The following NPAS2 variants were observed in gnomAD, a reference collection of about 807,000 sequenced individuals.
NPAS2 encodes the protein neuronal PAS domain protein 2.
Under a neutral mutation model 107.5 loss-of-function variants are expected in NPAS2, and 23 were observed. The ratio of observed to expected loss-of-function variants is 0.21; its 90% CI spans 0.15 to 0.30. NPAS2 has a LOEUF of 0.30. Ranked by LOEUF, NPAS2 falls within the 10% of genes least tolerant of loss-of-function variation. The probability of loss-of-function intolerance (pLI) is 1.00; values close to 1 mark genes in which losing one functional copy is unlikely to be tolerated. For missense variants in NPAS2, 756 were observed against 1,043.3 expected (o/e 0.72, Z 3.79); for synonymous variants, 403 against 417.5 (o/e 0.97, Z 0.42).
Position 100,918,510 on chromosome 2 carries a change from G to A in NPAS2, c.33-6636G>A, listed in dbSNP as rs192542521. Among the ~76,000 whole-genome samples the A allele has an allele frequency of 2.8e-3, 422 of 152,186 alleles. 1 individual carries two copies. Among genetic ancestry groups the A allele is most frequent in the Middle Eastern group, 0.014 (4 of 294 alleles). On this transcript the variant is annotated intron_variant, in intron 2 of 20. Transcript: ENST00000335681. ...CTGACAAATCACATTTCTGACAAAA[G>A]ACTTGTATCCAGAAAATACAAGCAA...
chr2:100,992,935 T>A (rs1423847508), intron 19 of NPAS2, among the ~76,000 whole-genome samples: 2 of 152,044 alleles, frequency 1.3e-5, no homozygotes, highest in Non-Finnish European at 2.9e-5. Context: ...AGTTTCTTTT[T>A]TTTTTTTGCT....
intron 1 of NPAS2, among the ~76,000 whole-genome samples, chr2:100,890,271 G>A (rs1054703448): frequency 2.0e-5 from 3 of 152,208 alleles, no homozygotes; most frequent in African/African-American, 7.2e-5. Flanking sequence ...TGGGCTCAGA[G>A]GTAGTGCGAG....
chr2:100,865,429 C>G (rs1679192566), intron 1 of NPAS2, among the ~76,000 whole-genome samples: 1 of 152,084 alleles, frequency 6.6e-6, no homozygotes, highest in Non-Finnish European at 1.5e-5. Flanking sequence ...GCTATGTGTT[C>G]TTAGACTACT....
chr2:100,921,285 T>C (rs1026798900), intron 2 of NPAS2, among the ~76,000 whole-genome samples: 1 of 152,146 alleles, frequency 6.6e-6, no homozygotes, highest in African/African-American at 2.4e-5. Flanking sequence ...GGAAATGCAA[T>C]AGTACCTGCC....
At chr2:100,831,337 C>T (rs182825000) in intron 1 of NPAS2, among the ~76,000 whole-genome samples, 174 of 152,202 alleles carry the variant, frequency 1.1e-3, no homozygotes, top group Middle Eastern at 3.4e-3. Flanking sequence ...TGTGTGTTTG[C>T]CACGTCAGCA....
chr2:100,946,996 T>C (rs1431005360), intron 5 of NPAS2, among the ~76,000 whole-genome samples: 7 of 152,164 alleles, frequency 4.6e-5, no homozygotes, highest in Admixed American at 3.3e-4. Context: ...AGAATGCCGA[T>C]GTTCAGGACA....
At chr2:100,880,352 C>G (rs915458621) in intron 1 of NPAS2, among the ~76,000 whole-genome samples, 1 of 152,116 alleles carries the variant, frequency 6.6e-6, no homozygotes, top group African/African-American at 2.4e-5. Flanking sequence ...CAGCGTTATT[C>G]ATAATAGCCA....
At chr2:100,822,253 A>C (rs900765239) in intron 1 of NPAS2, among the ~76,000 whole-genome samples, 3 of 152,234 alleles carry the variant, frequency 2.0e-5, no homozygotes, top group African/African-American at 4.8e-5. Flanking sequence ...AAAATAACCA[A>C]GTGAGGCTTT....
intron 1 of NPAS2, among the ~76,000 whole-genome samples, chr2:100,854,521 C>A (rs1427525412): frequency 6.6e-6 from 1 of 152,150 alleles, no homozygotes; most frequent in East Asian, 1.9e-4. Flanking sequence ...CCCAGCAACC[C>A]CAGGGGAAAG....
chr2:100,819,647 G>A (rs1675931884), upstream of NPAS2, among the ~76,000 whole-genome samples: 1 of 152,074 alleles, frequency 6.6e-6, no homozygotes, highest in Admixed American at 6.5e-5. This position sits in a 1 kb window ranked among gnomAD's most constrained non-coding sequence, Gnocchi z 5.8. Flanking sequence ...CGGGACAGCA[G>A]GGTGGCGGCC....
At chr2:100,873,114 C>T (rs979028465) in intron 1 of NPAS2, among the ~76,000 whole-genome samples, 2 of 151,044 alleles carry the variant, frequency 1.3e-5, no homozygotes, top group African/African-American at 4.9e-5. Flanking sequence ...ACCAGCCTGG[C>T]CAATATCGTG....
intron 1 of NPAS2, among the ~76,000 whole-genome samples, chr2:100,835,256 A>G (rs1387735281): frequency 6.6e-6 from 1 of 152,206 alleles, no homozygotes; most frequent in African/African-American, 2.4e-5. Flanking sequence ...CTTGAATTTC[A>G]CTGTTTAGAG....
intron 15 of NPAS2, among the ~76,000 whole-genome samples, chr2:100,980,884 G>T (rs138664067): frequency 7.1e-4 from 108 of 152,232 alleles, no homozygotes; most frequent in African/African-American, 2.3e-3. Context: ...AAACTTCTTG[G>T]CCTTGCTCAG....
chr2:100,988,342 C>A, intron 17 of NPAS2, 66 bp downstream of exon 17: 1 of 1,387,178 alleles, frequency 7.2e-7, no homozygotes, highest in Non-Finnish European at 1.0e-6. Context: ...CAGTTTGGGA[C>A]ATACTTGATT....
chr2:100,965,472 CA>C lies in NPAS2; in HGVS notation c.801-178del, dbSNP rs10711978. Reference sequence around the variant, plus strand: ...CCAAGGGAAAGGAGTATCTATATGCCAAAAAAAAAAGCTGAGCCCTTTGGAA... The same window carrying C: ...CCAAGGGAAAGGAGTATCTATATGCCAAAAAAAAAGCTGAGCCCTTTGGAA... On this transcript the variant is annotated intron_variant, in intron 9 of 20. Transcript: ENST00000335681. The surrounding 1 kb of genome is among the most constrained non-coding windows in gnomAD (Gnocchi z 4.3). Among the ~76,000 whole-genome samples, 112,096 of 150,834 alleles carry C rather than the reference CA, an allele frequency of 0.74. 42,437 individuals are homozygous for C. Among genetic ancestry groups the C allele is most frequent in the African/African-American group, 0.9 (37,156 of 41,254 alleles).
chr2:100,897,085 T>C (rs1332292937), intron 1 of NPAS2, among the ~76,000 whole-genome samples: 3 of 151,988 alleles, frequency 2.0e-5, no homozygotes, highest in African/African-American at 7.3e-5. Flanking sequence ...CTGAGCAAAA[T>C]GGGGAAAAGC....
At position 100,985,557 on chromosome 2, in the gene NPAS2, G is replaced by GTGCT. The variant is rs1677731575; in HGVS notation, c.1630-2521_1630-2520insGCTT. The GTGCT allele has an allele frequency of 2.6e-5, 4 of 152,342 alleles. No individual in the cohort carries two copies. The South Asian group carries it at 8.3e-4, about 32-fold the overall frequency. The allele number at this position is 152,342 out of a possible 1,614,324, so 9.4% of individuals were successfully genotyped here. A position where few individuals can be genotyped will look rare whatever the true frequency, so the allele number is the denominator to read the frequency against. On this transcript the variant is annotated intron_variant, in intron 16 of 20. Transcript: ENST00000335681. ...CTCTGAGTGAAAGCACCATTCATATGTTTATTCATTCATACATGCATTTAT... is the reference window on the plus strand; with the variant it reads ...CTCTGAGTGAAAGCACCATTCATATGTGCTTTTATTCATTCATACATGCATTTAT...
At chr2:100,873,118 T>C (rs1214868221) in intron 1 of NPAS2, among the ~76,000 whole-genome samples, 1 of 151,230 alleles carries the variant, frequency 6.6e-6, no homozygotes, top group African/African-American at 2.4e-5. Flanking sequence ...GCCTGGCCAA[T>C]ATCGTGAAAC....
At chr2:100,990,638 C>T (rs561243545) in intron 18 of NPAS2, 142 bp from the exon 19 acceptor site, 3 of 986,790 alleles carry the variant, frequency 3.0e-6, no homozygotes, top group South Asian at 1.5e-5. Flanking sequence ...CTGCGTCCAT[C>T]ATCCTCAGAG....
Sources: allele counts gnomAD v4.1 joint callset (sites outside exome capture counted in the v4.1 genomes callset), GRCh38; gene constraint gnomAD v4.1.1; non-coding constraint Gnocchi (gnomAD v3.1); transcripts MANE v1.5; gene names NCBI Gene and HGNC (gene_info 2026-07-23, HGNC 2026-07-21).